The following PCP4 variants were observed in gnomAD, a reference collection of about 807,000 sequenced individuals.
The protein encoded by PCP4 is calmodulin regulator protein PCP4.
A neutral mutation model predicts 10.0 loss-of-function variants in PCP4; 8 were observed. The observed-to-expected ratio is 0.80, with a 90% CI of 0.47 to 1.45. The LOEUF (loss-of-function observed/expected upper bound fraction) is 1.45. PCP4 is among the 40% of genes most tolerant of loss of function. PCP4 has a pLI of 0.00. For missense variants in PCP4, 54 were observed against 74.4 expected (o/e 0.73, Z 1.01); for synonymous variants, 21 against 23.0 (o/e 0.91, Z 0.24).
chr21:39,880,256 T>C (rs528540702), intron 1 of PCP4, among the ~76,000 whole-genome samples: 2 of 152,112 alleles, frequency 1.3e-5, no homozygotes, highest in East Asian at 3.9e-4. Flanking sequence ...TGGAGGTCAG[T>C]GGGTGGAGGG....
chr21:39,887,678 G>A lies in PCP4; in HGVS notation c.10-10798G>A, dbSNP rs546687556. ...TCTTCAGCTACGTGCTTACCTGCCC[G>A]GCTGTTGATGCCATTTCACTGTGCA... On this transcript the variant is annotated intron_variant, in intron 1 of 2. Transcript: ENST00000328619. 3.3e-5 allele frequency among the ~76,000 whole-genome samples: 5 copies of A among 152,006 alleles called. No homozygotes were observed. In the East Asian group the frequency reaches 5.8e-4, roughly 18 times the overall value.
intron 1 of PCP4, among the ~76,000 whole-genome samples, chr21:39,869,905 A>G (rs1386129700): frequency 6.6e-6 from 1 of 152,160 alleles, no homozygotes; most frequent in Non-Finnish European, 1.5e-5. Flanking sequence ...AGAGCAATGG[A>G]TTTTGCCAGA....
chr21:39,871,336 G>A (rs767938215), intron 1 of PCP4, among the ~76,000 whole-genome samples: 7 of 152,162 alleles, frequency 4.6e-5, no homozygotes, highest in South Asian at 2.1e-4. Flanking sequence ...TTCTTACAAC[G>A]TAAGGGTAAA....
intron 1 of PCP4, among the ~76,000 whole-genome samples, chr21:39,893,040 TGGGAGGATCAG>T: frequency 6.6e-6 from 1 of 152,182 alleles, no homozygotes; most frequent in Admixed American, 6.6e-5. Context: ...CCTCCGGGGC[TGGGAGGATCAG>T]CATTTGGTTA....
At chr21:39,868,451 T>G (rs1253049492) in intron 1 of PCP4, among the ~76,000 whole-genome samples, 2 of 152,214 alleles carry the variant, frequency 1.3e-5, no homozygotes, top group Non-Finnish European at 2.9e-5. Context: ...TGATTTTTGA[T>G]GTAAACATGA....
chr21:39,867,498 C>T lies in PCP4; in HGVS notation c.-4C>T, dbSNP rs1774756678. The T allele has an allele frequency of 6.2e-7, 1 of 1,614,094 alleles. No individual in the cohort carries two copies. The highest frequency in any genetic ancestry group is 8.5e-7 in the Non-Finnish European group (1 of 1,179,952). ...CGGGACTGAGCTGTTGAGTTAGAGC[C>T]AACATGAGTGAGGTGAGTGATGCTT... On this transcript the variant is annotated 5_prime_UTR_variant, in exon 1 of 3. Coordinates refer to ENST00000328619, the MANE Select transcript of PCP4 (RefSeq NM_006198.3).
chr21:39,920,630 A>G (rs1360657905), intron 2 of PCP4, among the ~76,000 whole-genome samples: 1 of 152,142 alleles, frequency 6.6e-6, no homozygotes, highest in East Asian at 1.9e-4. Flanking sequence ...TCCTAAGTTT[A>G]GGGGTTAATA....
intron 2 of PCP4, among the ~76,000 whole-genome samples, chr21:39,928,600 G>A (rs2087636039): frequency 6.6e-6 from 1 of 152,172 alleles, no homozygotes; most frequent in East Asian, 1.9e-4. Context: ...CTCAGTAATT[G>A]TGAATATCAG....
Position 39,878,002 on chromosome 21 carries a change from C to CGAGA in PCP4, c.9+10505_9+10508dup, listed in dbSNP as rs3831648. Reference sequence around the variant, plus strand: ...TTTCTTTTTTTCTTCTAGATTGTGACGAGAGAGAGAGAGAGATTATGTCTT... The same window carrying CGAGA: ...TTTCTTTTTTTCTTCTAGATTGTGACGAGAGAGAGAGAGAGAGAGATTATGTCTT... On this transcript the variant is annotated intron_variant, in intron 1 of 2. Transcript: ENST00000328619. 7.6e-5 allele frequency among the ~76,000 whole-genome samples: 11 copies of CGAGA among 143,932 alleles called. No individual in the cohort carries two copies. In the East Asian group the frequency reaches 1.2e-3, roughly 15 times the overall value. 94.4% of individuals were successfully genotyped at this position (143,932 alleles called of 152,430 possible).
intron 1 of PCP4, among the ~76,000 whole-genome samples, chr21:39,880,107 T>A (rs182583227): frequency 7.1e-6 from 1 of 140,220 alleles, no homozygotes. Context: ...TATCTATATC[T>A]ATCTATATCT....
At chr21:39,870,762 T>C (rs529419256) in intron 1 of PCP4, among the ~76,000 whole-genome samples, 10 of 152,320 alleles carry the variant, frequency 6.6e-5, no homozygotes, top group Non-Finnish European at 7.4e-5. Context: ...GGTCACGTAA[T>C]CAAATGACAG....
chr21:39,891,115 T>TGGG (rs2087428451), intron 1 of PCP4, among the ~76,000 whole-genome samples: 1 of 152,200 alleles, frequency 6.6e-6, no homozygotes, highest in Non-Finnish European at 1.5e-5. Flanking sequence ...GAACTTGATG[T>TGGG]GGTCTGTTCA....
At chr21:39,901,048 C>A (rs559303944) in intron 2 of PCP4, among the ~76,000 whole-genome samples, 28 of 152,232 alleles carry the variant, frequency 1.8e-4, no homozygotes, top group Middle Eastern at 3.4e-3. Flanking sequence ...GGCAATTTTA[C>A]ATTTCTGCAA....
intron 2 of PCP4, among the ~76,000 whole-genome samples, chr21:39,913,022 T>C (rs548689786): frequency 6.6e-6 from 1 of 152,302 alleles, no homozygotes; most frequent in East Asian, 1.9e-4. Flanking sequence ...CTACTCTTAG[T>C]TAATCTTTTT....
At chr21:39,887,442 T>G (rs1464732339) in intron 1 of PCP4, among the ~76,000 whole-genome samples, 1 of 152,158 alleles carries the variant, frequency 6.6e-6, no homozygotes, top group Non-Finnish European at 1.5e-5. Flanking sequence ...AATGCTCAAT[T>G]TTTGGAATGT....
At chr21:39,907,238 G>C (rs1275711320) in intron 2 of PCP4, among the ~76,000 whole-genome samples, 2 of 152,106 alleles carry the variant, frequency 1.3e-5, no homozygotes, top group Non-Finnish European at 2.9e-5. Flanking sequence ...ATGAGGCAGG[G>C]AAGAGTCAGC....
intron 1 of PCP4, among the ~76,000 whole-genome samples, chr21:39,879,654 A>G (rs2146327391): frequency 6.6e-6 from 1 of 152,306 alleles, no homozygotes; most frequent in East Asian, 1.9e-4. Context: ...AACAAGGAAA[A>G]GAGACATGGG....
At chr21:39,867,885 T>G (rs1311873891) in intron 1 of PCP4, among the ~76,000 whole-genome samples, 2 of 152,152 alleles carry the variant, frequency 1.3e-5, no homozygotes, top group South Asian at 2.1e-4. Context: ...CAGGTGGTCA[T>G]CTGGTGAATG....
intron 1 of PCP4, among the ~76,000 whole-genome samples, chr21:39,875,764 GA>G: frequency 6.6e-6 from 1 of 152,212 alleles, no homozygotes; most frequent in South Asian, 2.1e-4. Flanking sequence ...CCTTAATAGG[GA>G]AAAAATTTGA....
Sources: allele counts gnomAD v4.1 joint callset (sites outside exome capture counted in the v4.1 genomes callset), GRCh38; gene constraint gnomAD v4.1.1; transcripts MANE v1.5; gene names NCBI Gene and HGNC (gene_info 2026-07-23, HGNC 2026-07-21).